GRID2: variants seen among roughly 807,000 people sequenced by gnomAD.
The protein encoded by GRID2 is glutamate ionotropic receptor delta type subunit 2.
Under a neutral mutation model 114.8 loss-of-function variants are expected in GRID2, and 33 were observed. The ratio of observed to expected loss-of-function variants is 0.29; its 90% CI spans 0.22 to 0.38. The LOEUF (loss-of-function observed/expected upper bound fraction) is 0.38. Ranked by LOEUF, GRID2 falls within the 10% of genes least tolerant of loss-of-function variation. The probability of loss-of-function intolerance (pLI) is 1.00; values close to 1 mark genes in which losing one functional copy is unlikely to be tolerated. For synonymous variants in GRID2, 505 were observed against 449.9 expected (o/e 1.12, Z -1.55); for missense variants, 1,184 against 1,257.7 (o/e 0.94, Z 0.89).
chr4:93,430,460 C>T (rs1022606391), intron 10 of GRID2, among the ~76,000 whole-genome samples: 2 of 152,240 alleles, frequency 1.3e-5, no homozygotes, highest in African/African-American at 4.8e-5. Flanking sequence ...GAATTACTGG[C>T]ATGAGCCACT....
chr4:92,804,857 C>T (rs1486717061), intron 2 of GRID2, among the ~76,000 whole-genome samples: 6 of 152,054 alleles, frequency 3.9e-5, no homozygotes, highest in African/African-American at 9.6e-5. Context: ...AATTTAATAA[C>T]AATTTTGTCT....
In GRID2 at chr4:93,275,356, T is replaced by C. The variant is rs1334578387; in HGVS notation, c.1245+36866T>C. 2.6e-5 allele frequency among the ~76,000 whole-genome samples: 4 copies of C among 151,852 alleles called. No homozygotes were observed. The East Asian group carries it at 7.7e-4, about 29-fold the overall frequency. On this transcript the variant is annotated intron_variant, in intron 8 of 15. Coordinates refer to ENST00000282020, the MANE Select transcript of GRID2 (RefSeq NM_001510.4). ...AGTTGTTTCCGCTTTTCCTCCATTA[T>C]GAATAATGCTGTTATGAACTTTGTG...
chr4:92,621,822 T>G (rs574463305), intron 2 of GRID2, among the ~76,000 whole-genome samples: 1 of 151,886 alleles, frequency 6.6e-6, no homozygotes, highest in South Asian at 2.1e-4. Context: ...CTTCAAAGTT[T>G]GATAATGATG....
chr4:93,087,700 C>G (rs1178782092), intron 3 of GRID2, among the ~76,000 whole-genome samples: 8 of 152,020 alleles, frequency 5.3e-5, no homozygotes, highest in Non-Finnish European at 1.2e-4. Flanking sequence ...ACTTATTTAG[C>G]TTAATAATTT....
intron 2 of GRID2, among the ~76,000 whole-genome samples, chr4:92,745,546 G>A (rs918219823): frequency 9.2e-5 from 14 of 152,094 alleles, no homozygotes; most frequent in African/African-American, 3.4e-4. Flanking sequence ...AAATATTTAA[G>A]AAGAGATATT....
intron 8 of GRID2, among the ~76,000 whole-genome samples, chr4:93,376,022 C>A (rs1379088960): frequency 2.0e-5 from 3 of 152,120 alleles, no homozygotes; most frequent in Non-Finnish European, 4.4e-5. Flanking sequence ...GTCTTCTTTG[C>A]ACCCGATGGC....
chr4:93,388,578 G>A (rs868381822), intron 8 of GRID2, among the ~76,000 whole-genome samples: 11 of 152,144 alleles, frequency 7.2e-5, no homozygotes, highest in African/African-American at 2.7e-4. Context: ...GACATGAATT[G>A]ATGAATATAA....
chr4:92,680,817 GAAA>G (rs1733614299), intron 2 of GRID2, among the ~76,000 whole-genome samples: 1 of 152,122 alleles, frequency 6.6e-6, no homozygotes, highest in Non-Finnish European at 1.5e-5. Flanking sequence ...AATCACAAAA[GAAA>G]AATGAGATTT....
chr4:93,164,118 GA>G (rs1471989399), intron 4 of GRID2, among the ~76,000 whole-genome samples: 5 of 151,714 alleles, frequency 3.3e-5, no homozygotes, highest in African/African-American at 1.2e-4. Context: ...ATTCTGGCTA[GA>G]TGAGAGATGT....
chr4:92,783,626 C>G (rs1739186684), intron 2 of GRID2, among the ~76,000 whole-genome samples: 1 of 152,028 alleles, frequency 6.6e-6, no homozygotes, highest in Non-Finnish European at 1.5e-5. Flanking sequence ...GCTTATACCT[C>G]TAATTCCAGA....
At chr4:93,339,144 A>T (rs1033037565) in intron 8 of GRID2, among the ~76,000 whole-genome samples, 1 of 152,158 alleles carries the variant, frequency 6.6e-6, no homozygotes, top group Non-Finnish European at 1.5e-5. Context: ...TAACAAGACC[A>T]CTAATGCCAA....
At chr4:93,032,877 A>C (rs1330213879) in intron 2 of GRID2, among the ~76,000 whole-genome samples, 1 of 152,194 alleles carries the variant, frequency 6.6e-6, no homozygotes, top group Non-Finnish European at 1.5e-5. Context: ...ACACTCTATG[A>C]AAGAACAGTA....
chr4:93,260,426 A>AATATTAT (rs1357317662), intron 8 of GRID2, among the ~76,000 whole-genome samples: 3 of 151,180 alleles, frequency 2.0e-5, no homozygotes, highest in Non-Finnish European at 3.0e-5. Flanking sequence ...TAACAAGATA[A>AATATTAT]ATATTATATA....
chr4:92,344,510 CAAG>C (rs780387765), intron 1 of GRID2, among the ~76,000 whole-genome samples: 2 of 152,108 alleles, frequency 1.3e-5, no homozygotes, highest in Admixed American at 6.5e-5. Flanking sequence ...TGGCTCAAAA[CAAG>C]AAGATTTATT....
At chr4:92,754,240 G>A (rs13141798) in intron 2 of GRID2, among the ~76,000 whole-genome samples, 24,911 of 152,138 alleles carry the variant, frequency 0.16, 2,650 homozygotes, top group African/African-American at 0.3. Flanking sequence ...GGCTGTTGTT[G>A]CACTATCTGT....
At chr4:92,750,023 A>T (rs1484167418) in intron 2 of GRID2, among the ~76,000 whole-genome samples, 2 of 152,030 alleles carry the variant, frequency 1.3e-5, no homozygotes, top group Non-Finnish European at 2.9e-5. Flanking sequence ...CACCAAGCCC[A>T]GCTAATTTGG....
At chr4:93,258,191 A>C (rs1473979125) in intron 8 of GRID2, among the ~76,000 whole-genome samples, 1 of 151,600 alleles carries the variant, frequency 6.6e-6, no homozygotes, top group Non-Finnish European at 1.5e-5. Flanking sequence ...TGAATAATTA[A>C]GTTTTCAGCA....
chr4:92,653,424 C>G (rs541251427), intron 2 of GRID2, among the ~76,000 whole-genome samples: 19 of 151,490 alleles, frequency 1.3e-4, no homozygotes, highest in Admixed American at 3.3e-4. Context: ...TATCTTTTTT[C>G]TGAGTAACTG....
chr4:93,694,217 T>G (rs1480439684), intron 14 of GRID2, among the ~76,000 whole-genome samples: 4 of 152,204 alleles, frequency 2.6e-5, no homozygotes, highest in Non-Finnish European at 5.9e-5. Context: ...TCTGTGATCC[T>G]GCTCTCCCAA....
Sources: allele counts gnomAD v4.1 joint callset (sites outside exome capture counted in the v4.1 genomes callset), GRCh38; gene constraint gnomAD v4.1.1; transcripts MANE v1.5; gene names NCBI Gene and HGNC (gene_info 2026-07-23, HGNC 2026-07-21).